The following TSPEAR variants were observed in gnomAD, a reference collection of about 807,000 sequenced individuals.
TSPEAR encodes thrombospondin-type laminin G domain and EAR repeat-containing protein.
A neutral mutation model predicts 71.6 loss-of-function variants in TSPEAR; 69 were observed. That is an observed-to-expected ratio of 0.96 (90% CI 0.79 to 1.18). TSPEAR has a LOEUF of 1.18. TSPEAR is among the 50% of genes most tolerant of loss of function. TSPEAR has a pLI of 0.00. For missense variants in TSPEAR, 971 were observed against 894.9 expected (o/e 1.09, Z -1.09); for synonymous variants, 402 against 387.2 (o/e 1.04, Z -0.45).
chr21:44,550,191 G>A (rs1439258680), intron 2 of TSPEAR, among the ~76,000 whole-genome samples: 1 of 152,274 alleles, frequency 6.6e-6, no homozygotes, highest in African/African-American at 2.4e-5. Context: ...CCGGACAGCA[G>A]AACGTGCCAC....
In TSPEAR at chr21:44,623,010, T is replaced by C. The variant is rs78419469; in HGVS notation, c.83-55005A>G. 6.6e-6 allele frequency among the ~76,000 whole-genome samples: 1 copy of C among 152,148 alleles called. No homozygotes were observed. The highest frequency in any genetic ancestry group is 2.1e-4 in the South Asian group (1 of 4,828). The stretch of plus-strand genomic sequence containing the variant: ...CTTGCTACTCTTTTGCCATGTGACA[T>C]GCCCACTCCCCCTTCACCTTCCACC... On this transcript the variant is annotated intron_variant, in intron 1 of 11. Coordinates refer to ENST00000323084, the MANE Select transcript of TSPEAR (RefSeq NM_144991.3). The surrounding 1 kb of genome is among the most constrained non-coding windows in gnomAD (Gnocchi z 4.5).
At chr21:44,682,033 G>T (rs782569908) in intron 1 of TSPEAR, 1 of 1,614,082 alleles carries the variant, frequency 6.2e-7, no homozygotes, top group Non-Finnish European at 8.5e-7. Context: ...ACGGAGGACT[G>T]GCAGCCCACG....
intron 1 of TSPEAR, among the ~76,000 whole-genome samples, chr21:44,644,749 C>T (rs187672840): frequency 2.0e-5 from 3 of 152,126 alleles, no homozygotes; most frequent in Admixed American, 2.0e-4. Flanking sequence ...AATAAAAAGT[C>T]ATAAAAAGAG....
chr21:44,539,563 GGGCTTGCAGCAGACA>G (rs782419531), intron 2 of TSPEAR: 2 of 1,613,364 alleles, frequency 1.2e-6, no homozygotes, highest in Non-Finnish European at 1.7e-6. Flanking sequence ...CACAGCAGAT[GGGCTTGCAGCAGACA>G]GGCTTGCAAC....
At chr21:44,702,247 C>T (rs1186190980) in intron 1 of TSPEAR, 2 of 1,603,786 alleles carry the variant, frequency 1.2e-6, no homozygotes, top group East Asian at 4.5e-5. Flanking sequence ...CAACTCCTGG[C>T]AGGTGGACGA....
intron 8 of TSPEAR, among the ~76,000 whole-genome samples, chr21:44,524,241 A>G (rs1468467641): frequency 1.3e-5 from 2 of 151,904 alleles, no homozygotes; most frequent in African/African-American, 4.8e-5. Flanking sequence ...TCAGTGAGGT[A>G]GTCCATCAGT....
intron 11 of TSPEAR, among the ~76,000 whole-genome samples, chr21:44,502,706 C>T (rs587775999): frequency 4.6e-4 from 70 of 152,382 alleles, no homozygotes; most frequent in African/African-American, 1.6e-3. Context: ...CGGGTGCAGC[C>T]AGCGCCGGGC....
chr21:44,700,384 C>T (rs1312647969), intron 1 of TSPEAR, among the ~76,000 whole-genome samples: 2 of 152,156 alleles, frequency 1.3e-5, no homozygotes, highest in African/African-American at 4.8e-5. Context: ...CCAGTGCAGT[C>T]CCTCAGCCCA....
At chr21:44,579,825 A>G (rs782332439) in intron 1 of TSPEAR, 2 of 1,609,958 alleles carry the variant, frequency 1.2e-6, no homozygotes, top group Non-Finnish European at 1.7e-6. Context: ...GCCGGGCGGC[A>G]GCAGCTGGCC....
intron 1 of TSPEAR, among the ~76,000 whole-genome samples, chr21:44,638,872 C>G (rs934339563): frequency 1.6e-4 from 25 of 151,946 alleles, no homozygotes; most frequent in East Asian, 5.8e-4. Flanking sequence ...CCTGGCTCCA[C>G]CCAGCAGCCT....
rs587685561 is a variant in TSPEAR, at chr21:44,568,766, G to T, written c.83-761C>A. Among the ~76,000 whole-genome samples, 3 of 152,286 alleles carry T rather than the reference G, an allele frequency of 2.0e-5. No homozygotes were observed. The East Asian group carries it at 5.8e-4, about 29-fold the overall frequency. On this transcript the variant is annotated intron_variant, in intron 1 of 11. Coordinates refer to ENST00000323084, the MANE Select transcript of TSPEAR (RefSeq NM_144991.3). ...AGCTCGGCCACTGCAGCTGGCCCCA[G>T]CCTGGGTAAATGCCAGGGCGTGGCT...
intron 2 of TSPEAR, among the ~76,000 whole-genome samples, chr21:44,549,228 T>C (rs1460365850): frequency 1.3e-5 from 2 of 152,126 alleles, no homozygotes; most frequent in African/African-American, 4.8e-5. Flanking sequence ...GAATGTGAGC[T>C]GGTGCTGTGG....
chr21:44,512,898 G>C (rs1257887920), intron 9 of TSPEAR, among the ~76,000 whole-genome samples: 3 of 152,164 alleles, frequency 2.0e-5, no homozygotes, highest in Non-Finnish European at 4.4e-5. Flanking sequence ...TGCAGGGCCA[G>C]ACAGGCCTGG....
chr21:44,630,287 A>C (rs1294375907), intron 1 of TSPEAR, among the ~76,000 whole-genome samples: 2 of 152,210 alleles, frequency 1.3e-5, no homozygotes, highest in Admixed American at 6.5e-5. Flanking sequence ...ACTAACACAC[A>C]GGGCTTGCCT....
At chr21:44,636,162 G>T (rs1555936615) in intron 1 of TSPEAR, among the ~76,000 whole-genome samples, 1 of 152,166 alleles carries the variant, frequency 6.6e-6, no homozygotes, top group East Asian at 1.9e-4. Context: ...TTCCTTCAGG[G>T]CTGTGATGGG....
chr21:44,696,321 C>G (rs1409282993), intron 1 of TSPEAR, among the ~76,000 whole-genome samples: 1 of 152,246 alleles, frequency 6.6e-6, no homozygotes, highest in Admixed American at 6.5e-5. Flanking sequence ...CCCTTGCTCT[C>G]TGAGGCAGCA....
At chr21:44,549,059 G>C (rs587699177) in intron 2 of TSPEAR, among the ~76,000 whole-genome samples, 14 of 152,340 alleles carry the variant, frequency 9.2e-5, no homozygotes, top group Non-Finnish European at 1.6e-4. Context: ...AAAGGAGAGT[G>C]AAAGTTTTTA....
intron 2 of TSPEAR, chr21:44,550,874 G>A (rs1412506931): frequency 2.6e-6 from 4 of 1,532,796 alleles, no homozygotes; most frequent in Non-Finnish European, 3.5e-6. Flanking sequence ...CACAGCAGAT[G>A]GACTTGCAGC....
intron 11 of TSPEAR, among the ~76,000 whole-genome samples, chr21:44,501,187 C>T (rs890348850): frequency 2.6e-5 from 4 of 152,186 alleles, no homozygotes; most frequent in African/African-American, 9.7e-5. Flanking sequence ...GGGTGGCTTA[C>T]GCCTATAATC....
Sources: allele counts gnomAD v4.1 joint callset (sites outside exome capture counted in the v4.1 genomes callset), GRCh38; gene constraint gnomAD v4.1.1; non-coding constraint Gnocchi (gnomAD v3.1); transcripts MANE v1.5; gene names NCBI Gene and HGNC (gene_info 2026-07-23, HGNC 2026-07-21).